Variants in GLRA3 observed in about 807,000 individuals in gnomAD.
GLRA3 encodes the protein glycine receptor subunit alpha-3.
A neutral mutation model predicts 60.4 loss-of-function variants in GLRA3; 44 were observed. The observed-to-expected ratio is 0.73, with a 90% CI of 0.57 to 0.94. The LOEUF (loss-of-function observed/expected upper bound fraction) is 0.94. Among genes scored for constraint, GLRA3 ranks in the 40% least tolerant of loss-of-function variants. The pLI is 0.00. For missense variants in GLRA3, 508 were observed against 564.6 expected, an observed-to-expected ratio of 0.90 and a Z score of 1.02; for synonymous variants, 223 against 192.9, an observed-to-expected ratio of 1.16 and a Z score of -1.29.
At chr4:174,661,658 C>G (rs1003676851) in intron 7 of GLRA3, among the ~76,000 whole-genome samples, 2 of 152,122 alleles carry the variant, frequency 1.3e-5, no homozygotes, top group African/African-American at 4.8e-5. Context: ...TTGGTCCTAA[C>G]TAACTATTTA....
chr4:174,741,793 T>A (rs1014906544), intron 3 of GLRA3, among the ~76,000 whole-genome samples: 1 of 152,134 alleles, frequency 6.6e-6, no homozygotes, highest in African/African-American at 2.4e-5. Flanking sequence ...TTGCAGCTTA[T>A]TTTTTTCTTC....
intron 1 of GLRA3, among the ~76,000 whole-genome samples, chr4:174,798,845 C>A (rs562631376): frequency 6.6e-6 from 1 of 151,858 alleles, no homozygotes; most frequent in Admixed American, 6.6e-5. Context: ...GCCGTGAACC[C>A]GGGAGGCGGA....
intron 5 of GLRA3, among the ~76,000 whole-genome samples, chr4:174,691,636 C>T (rs1469029511): frequency 2.0e-5 from 3 of 152,312 alleles, no homozygotes; most frequent in African/African-American, 4.8e-5. Context: ...GCGAGTGATC[C>T]GCCAGCCTCG....
chr4:174,664,246 G>T (rs1170383059), intron 7 of GLRA3, among the ~76,000 whole-genome samples: 1 of 152,054 alleles, frequency 6.6e-6, no homozygotes, highest in Non-Finnish European at 1.5e-5. Flanking sequence ...TATCCCTATG[G>T]ATTCAGTTCC....
chr4:174,667,595 A>AG (rs1009334187), intron 7 of GLRA3, among the ~76,000 whole-genome samples: 1 of 152,194 alleles, frequency 6.6e-6, no homozygotes, highest in African/African-American at 2.4e-5. Flanking sequence ...AGTAGAGTCC[A>AG]GGTAGTGCTT....
At chr4:174,709,458 T>C (rs373453476) in intron 5 of GLRA3, among the ~76,000 whole-genome samples, 5 of 152,062 alleles carry the variant, frequency 3.3e-5, no homozygotes, top group African/African-American at 1.2e-4. Context: ...CATATTGTCA[T>C]GGGAACTGGC....
chr4:174,681,020 T>A (rs1366620047), intron 6 of GLRA3, among the ~76,000 whole-genome samples: 2 of 152,180 alleles, frequency 1.3e-5, no homozygotes. Flanking sequence ...CATACTTGAA[T>A]GAGGACTCTA....
At chr4:174,828,139 A>G (rs1741052765) in intron 1 of GLRA3, among the ~76,000 whole-genome samples, 1 of 152,180 alleles carries the variant, frequency 6.6e-6, no homozygotes, top group Non-Finnish European at 1.5e-5. Context: ...GCTTTGTTAT[A>G]ATATTACTTT....
At chr4:174,734,668 TG>T (rs1736699740) in intron 3 of GLRA3, among the ~76,000 whole-genome samples, 1 of 152,236 alleles carries the variant, frequency 6.6e-6, no homozygotes, top group South Asian at 2.1e-4. Context: ...TAAGAGGGAT[TG>T]ATTAGAACAT....
chr4:174,707,136 GAA>G (rs916359363), intron 5 of GLRA3, among the ~76,000 whole-genome samples: 4 of 152,092 alleles, frequency 2.6e-5, no homozygotes, highest in African/African-American at 7.2e-5. Flanking sequence ...ATAGCTGATT[GAA>G]AAAGCAATTG....
At chr4:174,678,651 G>A (rs1364722399) in intron 6 of GLRA3, among the ~76,000 whole-genome samples, 4 of 152,120 alleles carry the variant, frequency 2.6e-5, no homozygotes, top group Admixed American at 6.6e-5. Context: ...TCCAGAAAAC[G>A]TGGATTCCAC....
intron 3 of GLRA3, among the ~76,000 whole-genome samples, chr4:174,735,380 T>C (rs895394995): frequency 1.3e-5 from 2 of 152,216 alleles, no homozygotes; most frequent in Non-Finnish European, 2.9e-5. Flanking sequence ...TTAGACAACA[T>C]GGACATGGAA....
rs778173511 is a variant in GLRA3, at chr4:174,828,821, A to T, written c.-10T>A. The T allele has an allele frequency of 5.0e-6, 8 of 1,586,688 alleles. No homozygotes were observed. The highest frequency in any genetic ancestry group is 6.9e-6 in the Non-Finnish European group (8 of 1,155,038). On this transcript the variant is annotated 5_prime_UTR_variant, in exon 1 of 10. Coordinates refer to ENST00000274093, the MANE Select transcript of GLRA3 (RefSeq NM_006529.4). ...GTCTCACGTGGGCCATGATACGGAG[A>T]GATATTCACGATCCTGAAAATAGTC...
At chr4:174,644,193 A>ATCTT in intron 9 of GLRA3, 129 bp from the exon 10 acceptor site, 1 of 635,612 alleles carries the variant, frequency 1.6e-6, no homozygotes, top group Non-Finnish European at 2.8e-6. Context: ...TAACCGAAGC[A>ATCTT]TATAAAGATG....
At chr4:174,717,013 C>T (rs1465033121) in intron 4 of GLRA3, among the ~76,000 whole-genome samples, 1 of 151,096 alleles carries the variant, frequency 6.6e-6, no homozygotes, top group East Asian at 1.9e-4. Context: ...TCATCCTGGG[C>T]AACATAAAAA....
chr4:174,644,953 C>T (rs1289279997), intron 9 of GLRA3, among the ~76,000 whole-genome samples: 18 of 151,892 alleles, frequency 1.2e-4, no homozygotes, highest in Non-Finnish European at 1.8e-4. Context: ...TACTTTAACA[C>T]ATTTATTTAG....
chr4:174,654,080 T>C (rs1733112658), intron 9 of GLRA3, among the ~76,000 whole-genome samples: 1 of 152,106 alleles, frequency 6.6e-6, no homozygotes, highest in Non-Finnish European at 1.5e-5. Flanking sequence ...ATGAAAGACA[T>C]TTGTAGGAAA....
chr4:174,724,246 ATTTCAGTG>A (rs1398136312), intron 4 of GLRA3, among the ~76,000 whole-genome samples: 1 of 151,710 alleles, frequency 6.6e-6, no homozygotes, highest in Admixed American at 6.6e-5. Context: ...TTTTGTTGCT[ATTTCAGTG>A]TTTCAGTGGG....
intron 4 of GLRA3, among the ~76,000 whole-genome samples, chr4:174,717,181 T>C (rs1329660375): frequency 1.5e-5 from 2 of 129,606 alleles, no homozygotes; most frequent in Non-Finnish European, 3.1e-5. Flanking sequence ...TGCTGAACTA[T>C]AGCCTGGGTG....
Sources: allele counts gnomAD v4.1 joint callset (sites outside exome capture counted in the v4.1 genomes callset), GRCh38; gene constraint gnomAD v4.1.1; transcripts MANE v1.5; gene names NCBI Gene and HGNC (gene_info 2026-07-23, HGNC 2026-07-21).